The following ZNF385D variants were observed in gnomAD, a reference collection of about 807,000 sequenced individuals.
ZNF385D encodes zinc finger protein 385D, also known as zinc finger protein 659.
ZNF385D carries 15 observed loss-of-function variants against 35.8 expected under a neutral mutation model. The observed-to-expected ratio is 0.42, with a 90% CI of 0.28 to 0.64. The LOEUF (loss-of-function observed/expected upper bound fraction) is 0.64. Ranked by LOEUF, ZNF385D falls within the 30% of genes least tolerant of loss-of-function variation. The pLI, the probability that ZNF385D is intolerant of heterozygous loss-of-function variation, is 0.23. For synonymous variants in ZNF385D, 212 were observed against 186.8 expected, an observed-to-expected ratio of 1.13 and a Z score of -1.10; for missense variants, 474 against 494.6, an observed-to-expected ratio of 0.96 and a Z score of 0.39.
chr3:21,527,933 T>C (rs894877823), intron 3 of ZNF385D, among the ~76,000 whole-genome samples: 1 of 152,198 alleles, frequency 6.6e-6, no homozygotes, highest in Non-Finnish European at 1.5e-5. Context: ...ATTTTATGTA[T>C]TATTTAAATG....
At chr3:22,361,819 C>T (rs1443839387) in intron 2 of ZNF385D, among the ~76,000 whole-genome samples, 1 of 151,762 alleles carries the variant, frequency 6.6e-6, no homozygotes, top group African/African-American at 2.4e-5. Flanking sequence ...GTTTTGCTTC[C>T]TTATCTAAAA....
At chr3:22,304,143 G>A (rs892713249) in intron 2 of ZNF385D, among the ~76,000 whole-genome samples, 1 of 152,116 alleles carries the variant, frequency 6.6e-6, no homozygotes, top group African/African-American at 2.4e-5. Context: ...TAGGTCTATT[G>A]CATAGATCTT....
upstream of ZNF385D, among the ~76,000 whole-genome samples, chr3:21,752,359 T>G (rs527532924): frequency 6.6e-6 from 1 of 152,194 alleles, no homozygotes; most frequent in African/African-American, 2.4e-5. Flanking sequence ...TATGGAAGAA[T>G]GCAATTGATA....
intron 2 of ZNF385D, among the ~76,000 whole-genome samples, chr3:22,275,525 T>C (rs1701382699): frequency 6.6e-6 from 1 of 152,110 alleles, no homozygotes; most frequent in African/African-American, 2.4e-5. Context: ...AAACTGCATC[T>C]TACTCTACTA....
At chr3:21,651,344 T>C (rs772198418) in intron 2 of ZNF385D, among the ~76,000 whole-genome samples, 42 of 141,460 alleles carry the variant, frequency 3.0e-4, no homozygotes, top group Middle Eastern at 3.7e-3. Flanking sequence ...GCTAAGAGCA[T>C]ATAAAATATT....
At chr3:21,755,070 G>A (rs999259949), upstream of ZNF385D, among the ~76,000 whole-genome samples, 4 of 152,210 alleles carry the variant, frequency 2.6e-5, no homozygotes, top group Non-Finnish European at 5.9e-5. Context: ...CAGTTTGTGA[G>A]TGTGTTTGTC....
At chr3:22,010,830 G>C (rs1696526064) in intron 3 of ZNF385D, among the ~76,000 whole-genome samples, 2 of 152,096 alleles carry the variant, frequency 1.3e-5, no homozygotes, top group South Asian at 4.1e-4. Flanking sequence ...TTTATATTTT[G>C]AACAGGGAAA....
rs574056483 is a variant in ZNF385D, at chr3:22,225,927, A to G, written c.107-56892T>C. Among the ~76,000 whole-genome samples, 52 of 152,308 alleles carry G rather than the reference A, an allele frequency of 3.4e-4. No homozygotes were observed. The Middle Eastern group carries it at 0.01, about 30-fold the overall frequency. ...GTCAAATTGTTGTGCACGTGTGCAC[A>G]TATGTCTCTTTACAAAGAGCACAGG... On this transcript the variant is annotated intron_variant, in intron 2 of 5. Transcript: ENST00000494108.
intron 3 of ZNF385D, among the ~76,000 whole-genome samples, chr3:21,917,962 T>C (rs1297056712): frequency 6.6e-6 from 1 of 152,218 alleles, no homozygotes; most frequent in Non-Finnish European, 1.5e-5. Flanking sequence ...ATAAAATACT[T>C]GCTATGTAAC....
chr3:21,671,054 C>A (rs1188075276), intron 1 of ZNF385D, among the ~76,000 whole-genome samples: 1 of 152,026 alleles, frequency 6.6e-6, no homozygotes, highest in East Asian at 1.9e-4. Flanking sequence ...TTTTTGAACA[C>A]AGGTCCCACG....
chr3:21,592,467 T>C (rs6767992), intron 2 of ZNF385D, among the ~76,000 whole-genome samples: 50,243 of 150,390 alleles, frequency 0.33, 8,594 homozygotes, highest in African/African-American at 0.38. Context: ...AATTACCCTC[T>C]TCTAATTGTG....
At chr3:21,737,291 A>C (rs2069290736) in intron 1 of ZNF385D, among the ~76,000 whole-genome samples, 1 of 152,218 alleles carries the variant, frequency 6.6e-6, no homozygotes, top group Admixed American at 6.5e-5. Context: ...CATTGTTTTT[A>C]CTAGTAAAAT....
intron 2 of ZNF385D, among the ~76,000 whole-genome samples, chr3:22,229,205 T>C (rs1264902841): frequency 1.3e-5 from 2 of 152,248 alleles, no homozygotes; most frequent in African/African-American, 4.8e-5. Flanking sequence ...CCAGTCATTT[T>C]GTTTTCAGTC....
chr3:22,115,931 C>T (rs1702787930), intron 3 of ZNF385D, among the ~76,000 whole-genome samples: 1 of 152,056 alleles, frequency 6.6e-6, no homozygotes, highest in African/African-American at 2.4e-5. Flanking sequence ...ATACCAAAAG[C>T]TGTCCGAGGT....
chr3:21,481,820 A>T (rs901158881), intron 4 of ZNF385D, among the ~76,000 whole-genome samples: 1 of 152,176 alleles, frequency 6.6e-6, no homozygotes, highest in Non-Finnish European at 1.5e-5. Context: ...ATGTGAACTT[A>T]GTAGGTGCTC....
rs975015423 is a variant in ZNF385D, at chr3:21,418,912, C to A, written c.*2302G>T. 6.6e-6 allele frequency: 1 copy of A among 151,988 alleles called. No homozygotes were observed. The highest frequency in any genetic ancestry group is 1.9e-4 in the East Asian group (1 of 5,178). The allele number at this position is 151,988 out of a possible 1,614,324, so 9.4% of individuals were successfully genotyped here. A position where few individuals can be genotyped will look rare whatever the true frequency, so the allele number is the denominator to read the frequency against. On this transcript the variant is annotated 3_prime_UTR_variant, in exon 8 of 8. Transcript: ENST00000281523. The stretch of plus-strand genomic sequence containing the variant: ...GGTCACATGGGATACAGACAGAGCC[C>A]CAAACAACAGACTTATGGGCAACTA...
intron 3 of ZNF385D, among the ~76,000 whole-genome samples, chr3:22,095,284 A>C (rs1701554743): frequency 6.6e-6 from 1 of 151,728 alleles, no homozygotes; most frequent in Non-Finnish European, 1.5e-5. Context: ...TTATATTATT[A>C]TTTTATTTCT....
At chr3:21,500,208 A>C (rs1706257604) in intron 4 of ZNF385D, among the ~76,000 whole-genome samples, 2 of 152,110 alleles carry the variant, frequency 1.3e-5, no homozygotes. Flanking sequence ...AATTAGTAAA[A>C]CTTATTGATT....
intron 3 of ZNF385D, among the ~76,000 whole-genome samples, chr3:22,140,388 T>A (rs1269162572): frequency 6.6e-6 from 1 of 152,104 alleles, no homozygotes. Context: ...ATTATAGCAA[T>A]GGGGAACAGG....
Sources: allele counts gnomAD v4.1 joint callset (sites outside exome capture counted in the v4.1 genomes callset), GRCh38; gene constraint gnomAD v4.1.1; transcripts MANE v1.5; gene names NCBI Gene and HGNC (gene_info 2026-07-23, HGNC 2026-07-21).